The following ULK4 variants were observed in gnomAD, a reference collection of about 807,000 sequenced individuals.
ULK4 encodes inactive serine/threonine-protein kinase ULK4.
In ULK4, 133 loss-of-function variants were observed where a neutral mutation model predicts 160.6. The observed-to-expected ratio is 0.83, with a 90% confidence interval of 0.72 to 0.96. ULK4 has a LOEUF of 0.96. ULK4 is among the 40% of genes least tolerant of loss of function. The pLI is 0.00. For synonymous variants in ULK4, 534 were observed against 539.8 expected, an observed-to-expected ratio of 0.99 and a Z score of 0.15; for missense variants, 1,580 against 1,499.5, an observed-to-expected ratio of 1.05 and a Z score of -0.89.
chr3:41,703,055 T>C (rs950396336), intron 27 of ULK4, among the ~76,000 whole-genome samples: 1 of 152,042 alleles, frequency 6.6e-6, no homozygotes, highest in Admixed American at 6.6e-5. Flanking sequence ...GGTTTCACCA[T>C]GTTGGCCAGG....
At chr3:41,418,336 A>G (rs1410152073) in intron 34 of ULK4, among the ~76,000 whole-genome samples, 1 of 98,210 alleles carries the variant, frequency 1.0e-5, no homozygotes, top group Admixed American at 1.2e-4. Context: ...TTTTTTCTTA[A>G]TTTGGCGGGG....
chr3:41,526,347 T>A (rs985883479), intron 32 of ULK4, among the ~76,000 whole-genome samples: 1 of 152,144 alleles, frequency 6.6e-6, no homozygotes, highest in Non-Finnish European at 1.5e-5. Context: ...GAGGTATGCA[T>A]AGAATGAGAT....
At chr3:41,876,620 T>C (rs1559623652) in intron 17 of ULK4, among the ~76,000 whole-genome samples, 1 of 152,158 alleles carries the variant, frequency 6.6e-6, no homozygotes, top group Non-Finnish European at 1.5e-5. Flanking sequence ...GCAAGGCTTT[T>C]AATAGCCAAA....
intron 12 of ULK4, among the ~76,000 whole-genome samples, chr3:41,901,324 C>T (rs557662937): frequency 2.7e-5 from 4 of 150,482 alleles, no homozygotes; most frequent in East Asian, 2.0e-4. Context: ...GGACTACAGG[C>T]GCCTGCCACT....
At chr3:41,644,460 T>C (rs1359622564) in intron 30 of ULK4, among the ~76,000 whole-genome samples, 1 of 152,234 alleles carries the variant, frequency 6.6e-6, no homozygotes, top group East Asian at 1.9e-4. Context: ...TCATGTGGTT[T>C]TTCTCTTTGG....
At chr3:41,613,056 C>T (rs1301240788) in intron 31 of ULK4, among the ~76,000 whole-genome samples, 1 of 152,296 alleles carries the variant, frequency 6.6e-6, no homozygotes, top group African/African-American at 2.4e-5. Context: ...GCATAAGTAG[C>T]AGCCGAGCAT....
chr3:41,801,549 A>C (rs1030444647), intron 19 of ULK4, among the ~76,000 whole-genome samples: 4 of 151,940 alleles, frequency 2.6e-5, no homozygotes, highest in African/African-American at 9.7e-5. Flanking sequence ...AAAAAAAGGA[A>C]TAAAGAGAAA....
intron 25 of ULK4, among the ~76,000 whole-genome samples, chr3:41,706,119 T>C (rs1263795271): frequency 6.6e-6 from 1 of 151,902 alleles, no homozygotes; most frequent in Non-Finnish European, 1.5e-5. Context: ...TAGTGCCTCC[T>C]TTGCCGGATG....
At chr3:41,367,269 C>T (rs1045349505) in intron 35 of ULK4, among the ~76,000 whole-genome samples, 1 of 152,174 alleles carries the variant, frequency 6.6e-6, no homozygotes, top group Admixed American at 6.5e-5. Context: ...CTTTGATTTT[C>T]TTGGGGATCT....
chr3:41,814,717 A>G (rs1477845939), intron 19 of ULK4, among the ~76,000 whole-genome samples: 1 of 152,100 alleles, frequency 6.6e-6, no homozygotes, highest in Non-Finnish European at 1.5e-5. Flanking sequence ...AATTTTCATC[A>G]TCATATTGTG....
At chr3:41,641,530 C>T (rs1036344619) in intron 30 of ULK4, among the ~76,000 whole-genome samples, 18 of 152,162 alleles carry the variant, frequency 1.2e-4, no homozygotes, top group African/African-American at 3.6e-4. Context: ...GACCCCATCA[C>T]TACAAAGAAT....
Position 41,467,400 on chromosome 3 carries a change from C to T in ULK4, c.3227-4147G>A, listed in dbSNP as rs528517358. Among the ~76,000 whole-genome samples the T allele has an allele frequency of 2.6e-5, 4 of 152,142 alleles. No individual in the cohort carries two copies. The East Asian group carries it at 7.7e-4, about 29-fold the overall frequency. On this transcript the variant is annotated intron_variant, in intron 32 of 36. Coordinates refer to ENST00000301831, the MANE Select transcript of ULK4 (RefSeq NM_017886.4). Reference sequence around the variant, plus strand: ...AAAATTAGCTGGGCATGGTGGCACACACTATAATCCCAGCGACTCAGGAGG... The same window carrying T: ...AAAATTAGCTGGGCATGGTGGCACATACTATAATCCCAGCGACTCAGGAGG...
chr3:41,803,379 T>C (rs1054424179), intron 19 of ULK4, among the ~76,000 whole-genome samples: 8 of 152,258 alleles, frequency 5.3e-5, no homozygotes, highest in South Asian at 4.1e-4. Context: ...TCCATACTCA[T>C]AGATTAATTT....
In ULK4 at chr3:41,922,736, T is replaced by C. The variant is rs78864756; in HGVS notation, c.542-2918A>G. ...CAAGGATTTTATTACAGGAAGCGTCTATGAGAAAAAAATGGGAAAATCTGG... is the reference window on the plus strand; with the variant it reads ...CAAGGATTTTATTACAGGAAGCGTCCATGAGAAAAAAATGGGAAAATCTGG... On this transcript the variant is annotated intron_variant, in intron 5 of 36. Transcript: ENST00000301831. Among the ~76,000 whole-genome samples the C allele has an allele frequency of 1.5e-3, 224 of 151,878 alleles. 4 individuals carry two copies. In the East Asian group the frequency reaches 0.038, roughly 26 times the overall value.
At chr3:41,676,520 A>T (rs1465782993) in intron 29 of ULK4, among the ~76,000 whole-genome samples, 1 of 152,184 alleles carries the variant, frequency 6.6e-6, no homozygotes, top group Non-Finnish European at 1.5e-5. Flanking sequence ...CCAAAGTTTA[A>T]TAAAGGTGGC....
intron 32 of ULK4, among the ~76,000 whole-genome samples, chr3:41,543,055 G>A (rs1345485235): frequency 6.6e-6 from 1 of 152,054 alleles, no homozygotes; most frequent in Non-Finnish European, 1.5e-5. Context: ...CATTCCCAAG[G>A]AGCAGAATTT....
intron 34 of ULK4, among the ~76,000 whole-genome samples, chr3:41,429,801 G>A (rs931402447): frequency 3.9e-5 from 6 of 152,130 alleles, no homozygotes; most frequent in Admixed American, 2.0e-4. Context: ...TGCTGGCTGG[G>A]CTTAATACCT....
intron 30 of ULK4, among the ~76,000 whole-genome samples, chr3:41,646,713 G>T (rs1575524183): frequency 6.6e-6 from 1 of 152,144 alleles, no homozygotes; most frequent in South Asian, 2.1e-4. Context: ...GGCGTTCTCT[G>T]TATTTCCTGA....
At chr3:41,374,789 C>T (rs2081445261) in intron 35 of ULK4, among the ~76,000 whole-genome samples, 1 of 152,002 alleles carries the variant, frequency 6.6e-6, no homozygotes, top group South Asian at 2.1e-4. Context: ...CTGGCCAGGG[C>T]AATCAGGCAA....
Sources: gnomAD v4.1 joint callset for allele counts (sites outside exome capture counted in the v4.1 genomes callset) on GRCh38, gnomAD v4.1.1 for gene constraint, MANE v1.5 for transcripts, NCBI Gene and HGNC (gene_info 2026-07-23, HGNC 2026-07-21) for gene names.